Variants in PTPRD observed in about 807,000 individuals in gnomAD.
The protein encoded by PTPRD is receptor-type tyrosine-protein phosphatase delta.
In PTPRD, 34 loss-of-function variants were observed where a neutral mutation model predicts 214.5. The observed-to-expected ratio is 0.16, with a 90% CI of 0.12 to 0.21. The LOEUF (loss-of-function observed/expected upper bound fraction) is 0.21. Ranked by LOEUF, PTPRD falls within the 10% of genes least tolerant of loss-of-function variation. The pLI is 1.00. For missense variants in PTPRD, 2,545 were observed against 2,398.7 expected (o/e 1.06, Z -1.27); for synonymous variants, 1,128 against 845.7 (o/e 1.33, Z -5.79).
intron 2 of PTPRD, among the ~76,000 whole-genome samples, chr9:10,481,820 A>G (rs551910139): frequency 6.6e-6 from 1 of 152,310 alleles, no homozygotes; most frequent in East Asian, 1.9e-4. Context: ...GGAAAGTGTA[A>G]CTACATATAT....
At chr9:9,256,486 C>T (rs1032445547) in intron 9 of PTPRD, among the ~76,000 whole-genome samples, 1 of 151,476 alleles carries the variant, frequency 6.6e-6, no homozygotes, top group South Asian at 2.1e-4. Context: ...GATTTAAACT[C>T]TTCTAATCCA....
At chr9:8,599,065 G>C (rs2094644407) in intron 14 of PTPRD, among the ~76,000 whole-genome samples, 1 of 152,162 alleles carries the variant, frequency 6.6e-6, no homozygotes, top group Admixed American at 6.5e-5. Flanking sequence ...AATCAAGTGG[G>C]CAGGTCTTTC....
chr9:10,481,660 G>C (rs564132612), intron 2 of PTPRD, among the ~76,000 whole-genome samples: 1 of 152,282 alleles, frequency 6.6e-6, no homozygotes, highest in South Asian at 2.1e-4. Context: ...TGAACTTATT[G>C]TAAATACTCA....
rs144426611 is a variant in PTPRD at position 8,802,969 on chromosome 9, C to T, written c.-103-69023G>A. 7.4e-4 allele frequency among the ~76,000 whole-genome samples: 113 copies of T among 152,236 alleles called. 1 individual carries two copies. The highest frequency in any genetic ancestry group is 2.4e-3 in the African/African-American group (98 of 41,536). On this transcript the variant is annotated intron_variant, in intron 11 of 45. Transcript: ENST00000381196. ...TGGGAGGCTGAGGTTAGGAGGATCA[C>T]TTGAGCCCAGGAGTTTGAAGTTATA... is the stretch of plus-strand genomic sequence containing the variant.
chr9:10,303,513 TAGAC>T (rs2095939925), intron 3 of PTPRD, among the ~76,000 whole-genome samples: 1 of 151,760 alleles, frequency 6.6e-6, no homozygotes, highest in South Asian at 2.1e-4. Flanking sequence ...GATAGACCAC[TAGAC>T]AGACTAATAA....
intron 9 of PTPRD, among the ~76,000 whole-genome samples, chr9:9,389,884 A>G (rs779495436): frequency 4.6e-5 from 7 of 152,190 alleles, no homozygotes; most frequent in Non-Finnish European, 8.8e-5. Flanking sequence ...TGGCTTCCCT[A>G]GTTTCTATAG....
chr9:8,891,834 T>G (rs1350246228), intron 11 of PTPRD, among the ~76,000 whole-genome samples: 1 of 152,156 alleles, frequency 6.6e-6, no homozygotes, highest in African/African-American at 2.4e-5. Context: ...TAAAATCACC[T>G]TGGGAATCCC....
intron 2 of PTPRD, among the ~76,000 whole-genome samples, chr9:10,359,014 T>A (rs1216935901): frequency 1.3e-5 from 2 of 152,070 alleles, no homozygotes; most frequent in Non-Finnish European, 2.9e-5. Context: ...CTGGCTAAGT[T>A]GTTTTTTCCT....
chr9:8,551,890 G>A (rs547531479), intron 14 of PTPRD, among the ~76,000 whole-genome samples: 1 of 152,306 alleles, frequency 6.6e-6, no homozygotes, highest in African/African-American at 2.4e-5. Flanking sequence ...CAGTCATCCT[G>A]TTCCAATTAA....
chr9:8,454,679 G>C (rs1247400833), intron 33 of PTPRD: 1 of 1,451,994 alleles, frequency 6.9e-7, no homozygotes, highest in Non-Finnish European at 9.5e-7. Context: ...TGACAACCAA[G>C]ATTTAAGAAA....
intron 11 of PTPRD, among the ~76,000 whole-genome samples, chr9:8,959,601 T>C (rs1190909420): frequency 6.6e-6 from 1 of 151,964 alleles, no homozygotes; most frequent in African/African-American, 2.4e-5. Context: ...ATCAGAAGAT[T>C]AACATGATTT....
chr9:9,733,446 T>G (rs1341357947), intron 7 of PTPRD, among the ~76,000 whole-genome samples: 1 of 152,096 alleles, frequency 6.6e-6, no homozygotes, highest in African/African-American at 2.4e-5. Flanking sequence ...AACATGACAG[T>G]TTACTATCAA....
At chr9:9,068,673 GCA>G (rs1338705770) in intron 10 of PTPRD, among the ~76,000 whole-genome samples, 1 of 151,876 alleles carries the variant, frequency 6.6e-6, no homozygotes, top group Non-Finnish European at 1.5e-5. Context: ...GTGCAGTGGC[GCA>G]CTCTCAGCTC....
At chr9:10,175,377 C>A (rs73641864) in intron 3 of PTPRD, among the ~76,000 whole-genome samples, 4,982 of 152,068 alleles carry the variant, frequency 0.033, 272 homozygotes, top group African/African-American at 0.11. Flanking sequence ...TTATTTGAGT[C>A]TCATCCTATC....
intron 3 of PTPRD, among the ~76,000 whole-genome samples, chr9:10,287,311 T>C (rs757350061): frequency 6.6e-6 from 1 of 152,012 alleles, no homozygotes; most frequent in Non-Finnish European, 1.5e-5. Flanking sequence ...GCTGGGTGAG[T>C]AGGGCCAAAC....
chr9:8,579,980 C>T (rs1272941638), intron 14 of PTPRD, among the ~76,000 whole-genome samples: 4 of 152,176 alleles, frequency 2.6e-5, no homozygotes, highest in Admixed American at 1.3e-4. Context: ...GATTTCACTC[C>T]TGGGTGGTAG....
intron 2 of PTPRD, among the ~76,000 whole-genome samples, chr9:10,360,634 TA>T (rs1328053180): frequency 6.6e-6 from 1 of 152,228 alleles, no homozygotes; most frequent in African/African-American, 2.4e-5. Flanking sequence ...AGTTTTCTAA[TA>T]TTTTTTTGAA....
At chr9:8,779,015 A>C (rs1372429559) in intron 11 of PTPRD, among the ~76,000 whole-genome samples, 1 of 152,174 alleles carries the variant, frequency 6.6e-6, no homozygotes, top group Non-Finnish European at 1.5e-5. Context: ...AAGCTTATTT[A>C]AGATCCACTC....
chr9:9,206,589 T>G (rs2099945010), intron 9 of PTPRD, among the ~76,000 whole-genome samples: 1 of 152,216 alleles, frequency 6.6e-6, no homozygotes, highest in South Asian at 2.1e-4. Flanking sequence ...GGGCACCATC[T>G]AATCAGCTGC....
Sources: allele counts gnomAD v4.1 joint callset (sites outside exome capture counted in the v4.1 genomes callset), GRCh38; gene constraint gnomAD v4.1.1; transcripts MANE v1.5; gene names NCBI Gene and HGNC (gene_info 2026-07-23, HGNC 2026-07-21).